The following CYP2C19 variants were observed in gnomAD, a reference collection of about 807,000 sequenced individuals.
CYP2C19 encodes cytochrome P450 family 2 subfamily C member 19, also known as cytochrome P450 2C19.
A neutral mutation model predicts 40.9 loss-of-function variants in CYP2C19; 59 were observed. The observed-to-expected ratio is 1.44, with a 90% CI of 1.17 to 1.79. The LOEUF is 1.79. Among genes scored for constraint, CYP2C19 ranks in the 40% most tolerant of loss-of-function variants. CYP2C19 has a pLI of 0.00. For synonymous variants in CYP2C19, 253 were observed against 208.7 expected (o/e 1.21, Z -1.83); for missense variants, 754 against 596.9 (o/e 1.26, Z -2.74).
intron 6 of CYP2C19, among the ~76,000 whole-genome samples, chr10:94,823,012 C>T (rs1252543313): frequency 6.6e-6 from 1 of 151,676 alleles, no homozygotes; most frequent in Non-Finnish European, 1.5e-5. Context: ...AGAGTACAGG[C>T]AATAGTCAAT....
intron 3 of CYP2C19, among the ~76,000 whole-genome samples, chr10:94,778,151 A>G (rs1285214772): frequency 1.3e-5 from 2 of 152,286 alleles, no homozygotes; most frequent in East Asian, 1.9e-4. Context: ...GAAAACCTGG[A>G]GCCCATGCAA....
At chr10:94,845,622 A>G (rs754765738) in intron 7 of CYP2C19, among the ~76,000 whole-genome samples, 3 of 152,116 alleles carry the variant, frequency 2.0e-5, no homozygotes. Context: ...TACATCAATG[A>G]CATGTTTCAA....
intron 5 of CYP2C19, among the ~76,000 whole-genome samples, chr10:94,815,910 C>A (rs1848995038): frequency 6.6e-6 from 1 of 152,152 alleles, no homozygotes; most frequent in South Asian, 2.1e-4. Context: ...ATTGCAGACT[C>A]TTGTTTCAGG....
At chr10:94,797,758 A>C (rs1042062077) in intron 5 of CYP2C19, among the ~76,000 whole-genome samples, 2 of 151,958 alleles carry the variant, frequency 1.3e-5, no homozygotes, top group African/African-American at 4.8e-5. Context: ...TTTCTTCTAG[A>C]TATTCTAGTT....
At chr10:94,831,783 C>G (rs959880021) in intron 6 of CYP2C19, among the ~76,000 whole-genome samples, 1 of 152,086 alleles carries the variant, frequency 6.6e-6, no homozygotes, top group South Asian at 2.1e-4. Context: ...ACTTAAGTTC[C>G]TTATATATTC....
chr10:94,851,738 C>T lies in CYP2C19; in HGVS notation c.1292-995C>T, dbSNP rs539272341. ...AAAAAGCAAAAGGGGAGAAATGGCT[C>T]CCTTGCATCTCTTGGTGTTATTATT... is the stretch of plus-strand genomic sequence containing the variant. On this transcript the variant is annotated intron_variant, in intron 8 of 8. Coordinates refer to ENST00000371321, the MANE Select transcript of CYP2C19 (RefSeq NM_000769.4). Among the ~76,000 whole-genome samples the T allele has an allele frequency of 3.3e-5, 5 of 152,202 alleles. No individual in the cohort carries two copies. In the East Asian group the frequency reaches 7.7e-4, roughly 24 times the overall value.
intron 1 of CYP2C19, among the ~76,000 whole-genome samples, chr10:94,765,429 AT>A (rs576684284): frequency 1.3e-3 from 193 of 152,244 alleles, no homozygotes; most frequent in African/African-American, 4.3e-3. Context: ...CTGGTTGTGT[AT>A]GTTAAAAAGG....
chr10:94,847,097 T>C (rs984846967), intron 7 of CYP2C19, among the ~76,000 whole-genome samples: 1 of 151,826 alleles, frequency 6.6e-6, no homozygotes, highest in African/African-American at 2.4e-5. Context: ...ATTATTATAC[T>C]GTAAGTTTTA....
chr10:94,826,718 G>A (rs1849230908), intron 6 of CYP2C19, among the ~76,000 whole-genome samples: 1 of 152,190 alleles, frequency 6.6e-6, no homozygotes, highest in South Asian at 2.1e-4. Flanking sequence ...GGCAAGAGAA[G>A]GCATCCCTGT....
At position 94,849,514 on chromosome 10, in the gene CYP2C19, G is replaced by A. The variant is rs1159579966; in HGVS notation, c.1150-403G>A. Among the ~76,000 whole-genome samples, 5 of 151,612 alleles carry A rather than the reference G, an allele frequency of 3.3e-5. No homozygotes were observed. In the East Asian group the frequency reaches 9.7e-4, roughly 29 times the overall value. On this transcript the variant is annotated intron_variant, in intron 7 of 8. Transcript: ENST00000371321. Reference sequence around the variant, plus strand: ...TTATCATTATACTTTAAGTTTTAGGGTACATGTGCACAATGTGCAGGTTTG... The same window carrying A: ...TTATCATTATACTTTAAGTTTTAGGATACATGTGCACAATGTGCAGGTTTG...
intron 6 of CYP2C19, among the ~76,000 whole-genome samples, chr10:94,840,869 G>C (rs1488888586): frequency 1.3e-5 from 2 of 152,216 alleles, no homozygotes; most frequent in Admixed American, 6.5e-5. Context: ...TCTTCAGTCT[G>C]GTGGCCACGC....
chr10:94,784,526 C>G (rs888393001), intron 5 of CYP2C19, among the ~76,000 whole-genome samples: 13 of 152,076 alleles, frequency 8.5e-5, no homozygotes, highest in Non-Finnish European at 1.9e-4. Context: ...AGAAGGATTT[C>G]TGTTTCTCCA....
Position 94,855,179 on chromosome 10 carries a change from G to T in CYP2C19, c.*2265G>T, listed in dbSNP as rs1046390615. On this transcript the variant is annotated 3_prime_UTR_variant, in exon 9 of 9. Transcript: ENST00000371321. ...ACTACTCTTATTCTCTCTCCCTTATGTAAAGACCCTTGTGATTACATGAAA... is the reference window on the plus strand; with the variant it reads ...ACTACTCTTATTCTCTCTCCCTTATTTAAAGACCCTTGTGATTACATGAAA... Among the ~76,000 whole-genome samples, 1 of 152,026 alleles carries T rather than the reference G, an allele frequency of 6.6e-6. No individual in the cohort carries two copies. The highest frequency in any genetic ancestry group is 1.5e-5 in the Non-Finnish European group (1 of 68,008).
In CYP2C19 at chr10:94,852,789, A is replaced by C. The variant is rs1253000953; in HGVS notation, c.1348A>C (p.Thr450Pro). 6.2e-7 allele frequency: 1 copy of C among 1,613,866 alleles called. No individual in the cohort carries two copies. Among genetic ancestry groups the C allele is most frequent in the African/African-American group, 1.3e-5 (1 of 74,874 alleles). ...LARMELFLFL[T>P]FILQNFNLKS... is the part of the protein sequence containing the mutation. ...CCGCATGGAGCTGTTTTTATTCCTG[A>C]CCTTCATTTTACAGAACTTTAACCT... The change falls in exon 9 of 9, where the codon ACC becomes CCC. Residue 450 changes from threonine to proline, a missense_variant. Thr to Pro is a conservative substitution (Grantham distance 38). Transcript: ENST00000371321.
At chr10:94,813,864 G>GC (rs1027456769) in intron 5 of CYP2C19, among the ~76,000 whole-genome samples, 20 of 151,732 alleles carry the variant, frequency 1.3e-4, no homozygotes, top group Admixed American at 1.1e-3. Context: ...CTTGGTGTCT[G>GC]CCCAGATGAC....
chr10:94,812,475 A>G (rs1190051479), intron 5 of CYP2C19, among the ~76,000 whole-genome samples: 3 of 151,994 alleles, frequency 2.0e-5, no homozygotes, highest in East Asian at 1.9e-4. Context: ...ATGTTTTACA[A>G]CTTGGTTCCA....
chr10:94,781,385 T>C (rs1848476777), intron 4 of CYP2C19, among the ~76,000 whole-genome samples: 1 of 152,128 alleles, frequency 6.6e-6, no homozygotes, highest in African/African-American at 2.4e-5. Flanking sequence ...ACTAATTCAA[T>C]TTCAGAGGCT....
intron 6 of CYP2C19, among the ~76,000 whole-genome samples, chr10:94,833,753 A>G (rs915428185): frequency 6.6e-6 from 1 of 152,252 alleles, no homozygotes; most frequent in Non-Finnish European, 1.5e-5. Flanking sequence ...ATCAACTGAA[A>G]TGATCATATG....
intron 6 of CYP2C19, among the ~76,000 whole-genome samples, chr10:94,822,498 AT>A (rs1317170220): frequency 6.6e-6 from 1 of 152,008 alleles, no homozygotes; most frequent in Non-Finnish European, 1.5e-5. Flanking sequence ...AGTTGATTCC[AT>A]TTTTTTGCTA....
Sources: gnomAD v4.1 joint callset for allele counts (sites outside exome capture counted in the v4.1 genomes callset) on GRCh38, gnomAD v4.1.1 for gene constraint, MANE v1.5 for transcripts, NCBI Gene and HGNC (gene_info 2026-07-23, HGNC 2026-07-21) for gene names.